MED12L: variants seen among roughly 807,000 people sequenced by gnomAD.
The protein encoded by MED12L is mediator of RNA polymerase II transcription subunit 12-like protein.
A neutral mutation model predicts 281.3 loss-of-function variants in MED12L; 60 were observed. The ratio of observed to expected loss-of-function variants is 0.21; its 90% CI spans 0.17 to 0.26. The LOEUF is 0.26. Ranked by LOEUF, MED12L falls within the 10% of genes least tolerant of loss-of-function variation. The pLI, the probability that MED12L is intolerant of heterozygous loss-of-function variation, is 1.00. For missense variants in MED12L, 2,146 were observed against 2,680.9 expected (o/e 0.80, Z 4.41); for synonymous variants, 974 against 987.2 (o/e 0.99, Z 0.25).
At chr3:151,087,131 C>A in intron 2 of MED12L, 106 bp downstream of exon 2, 1 of 898,100 alleles carries the variant, frequency 1.1e-6, no homozygotes, top group South Asian at 1.8e-5. Flanking sequence ...TGGAAGAGGT[C>A]GGGGAGGGGG....
At position 151,369,412 on chromosome 3, in the gene MED12L, A is replaced by G. The variant is rs998301767; in HGVS notation, c.3551-24A>G. 2.0e-5 allele frequency: 30 copies of G among 1,481,470 alleles called. 1 individual carries two copies. The highest frequency in any genetic ancestry group is 3.5e-4 in the Middle Eastern group (2 of 5,724). The allele number at this position is 1,481,470 out of a possible 1,614,324, so 91.8% of individuals were successfully genotyped here. On this transcript the variant is annotated intron_variant, in intron 25 of 44. Coordinates refer to ENST00000687756, the MANE Select transcript of MED12L (RefSeq NM_001393769.1). ...CATTACTAATGATGGTAATGAGACT[A>G]TTAAAGATTTGTTGTTTTTGTAGGC...
intron 16 of MED12L, chr3:151,338,770 C>G: frequency 6.2e-7 from 1 of 1,613,604 alleles, no homozygotes; most frequent in Non-Finnish European, 8.5e-7. Flanking sequence ...GGGAAGAGGA[C>G]CTGGGTGATT....
intron 4 of MED12L, among the ~76,000 whole-genome samples, chr3:151,123,270 T>C (rs540816043): frequency 1.3e-5 from 2 of 152,284 alleles, no homozygotes; most frequent in South Asian, 2.1e-4. Context: ...TAAAAAAAAA[T>C]TACATTTCCA....
chr3:151,216,697 G>A (rs576106723), intron 16 of MED12L, among the ~76,000 whole-genome samples: 1 of 152,216 alleles, frequency 6.6e-6, no homozygotes, highest in South Asian at 2.1e-4. Flanking sequence ...GCTTGGCTCT[G>A]GGCATGATGG....
At chr3:151,260,479 A>G (rs1478179995) in intron 16 of MED12L, among the ~76,000 whole-genome samples, 1 of 152,132 alleles carries the variant, frequency 6.6e-6, no homozygotes, top group Non-Finnish European at 1.5e-5. Flanking sequence ...CCTCCCAAGT[A>G]GCTGGGACTG....
chr3:151,109,099 C>T (rs1209611936), intron 2 of MED12L, among the ~76,000 whole-genome samples: 1 of 151,826 alleles, frequency 6.6e-6, no homozygotes, highest in African/African-American at 2.4e-5. Flanking sequence ...GCTCTGTCGC[C>T]CAGGCTGGAG....
intron 5 of MED12L, among the ~76,000 whole-genome samples, chr3:151,153,432 A>G (rs1014326061): frequency 6.6e-6 from 1 of 152,114 alleles, no homozygotes; most frequent in Non-Finnish European, 1.5e-5. Flanking sequence ...TATCATCTGC[A>G]TTGCCTGAAT....
chr3:151,299,979 G>T, intron 16 of MED12L: 1 of 890,392 alleles, frequency 1.1e-6, no homozygotes, highest in Non-Finnish European at 1.9e-6. Flanking sequence ...TTGGTTCTCT[G>T]ACCATTAAAC....
chr3:151,328,535 A>G (rs780854560), intron 16 of MED12L: 22 of 1,613,812 alleles, frequency 1.4e-5, no homozygotes, highest in Non-Finnish European at 1.8e-5. Flanking sequence ...TGGCAGGGAG[A>G]TGAAGAACAA....
intron 16 of MED12L, among the ~76,000 whole-genome samples, chr3:151,223,991 T>A (rs571081092): frequency 5.3e-5 from 8 of 152,368 alleles, no homozygotes; most frequent in Admixed American, 3.3e-4. Flanking sequence ...CTGTGATATT[T>A]TATTTCTTAA....
rs12635196 is a variant in MED12L at position 151,433,180 on chromosome 3, T to G, written c.*376T>G. On this transcript the variant is annotated 3_prime_UTR_variant, in exon 45 of 45. Coordinates refer to ENST00000687756, the MANE Select transcript of MED12L (RefSeq NM_001393769.1). ...TTCATTCATTAATGATGACGTTGTT[T>G]TTTTTTTTTTAATTTTATTTTCCAA... The G allele has an allele frequency of 0.76, 112,696 of 148,070 alleles. 40,906 individuals are homozygous for G. The highest frequency in any genetic ancestry group is 0.89 in the Middle Eastern group (281 of 314). The allele number at this position is 148,070 out of a possible 1,614,324, so 9.2% of individuals were successfully genotyped here. A position where few individuals can be genotyped will look rare whatever the true frequency, so the allele number is the denominator to read the frequency against.
intron 16 of MED12L, among the ~76,000 whole-genome samples, chr3:151,296,848 G>GT (rs1212900645): frequency 1.9e-4 from 29 of 152,160 alleles, no homozygotes; most frequent in Admixed American, 9.8e-4. Context: ...TTTTGGAATG[G>GT]TTTTGTTATA....
intron 5 of MED12L, among the ~76,000 whole-genome samples, chr3:151,154,821 G>A (rs1719051102): frequency 6.6e-6 from 1 of 152,212 alleles, no homozygotes; most frequent in Non-Finnish European, 1.5e-5. Context: ...GACATAGATA[G>A]TTTACTGTTT....
At chr3:151,319,468 C>CGCGTGT (rs1553777795) in intron 16 of MED12L, among the ~76,000 whole-genome samples, 7 of 145,552 alleles carry the variant, frequency 4.8e-5, no homozygotes, top group African/African-American at 1.8e-4. Context: ...TGTGTGTGTG[C>CGCGTGT]GTGTGTGTGT....
chr3:151,223,710 A>G (rs941702845), intron 16 of MED12L, among the ~76,000 whole-genome samples: 3 of 152,220 alleles, frequency 2.0e-5, no homozygotes, highest in African/African-American at 7.2e-5. Flanking sequence ...GAAGCGGGGA[A>G]ATGGTGGAAA....
chr3:151,172,275 A>G (rs1576885680), intron 11 of MED12L, among the ~76,000 whole-genome samples: 2 of 152,310 alleles, frequency 1.3e-5, no homozygotes, highest in East Asian at 3.9e-4. Context: ...CTATTTCCTG[A>G]CGATGTGAAA....
chr3:151,413,114 A>G, intron 41 of MED12L, 25 bp from the exon 42 acceptor site: 1 of 1,601,370 alleles, frequency 6.2e-7, no homozygotes, highest in African/African-American at 1.3e-5. Context: ...TTGGGCCTGA[A>G]CCAAGTTGCA....
At chr3:151,427,115 G>C (rs1033119712) in intron 43 of MED12L, among the ~76,000 whole-genome samples, 2 of 152,066 alleles carry the variant, frequency 1.3e-5, no homozygotes, top group Non-Finnish European at 2.9e-5. Context: ...CACTGTGCCT[G>C]GCCTGGTTTA....
At chr3:151,119,620 T>C (rs1234042810) in intron 3 of MED12L, among the ~76,000 whole-genome samples, 2 of 152,210 alleles carry the variant, frequency 1.3e-5, no homozygotes, top group African/African-American at 2.4e-5. Flanking sequence ...GAGGATGCAA[T>C]TTAGTCTCAT....
Sources: gnomAD v4.1 joint callset for allele counts (sites outside exome capture counted in the v4.1 genomes callset) on GRCh38, gnomAD v4.1.1 for gene constraint, MANE v1.5 for transcripts, NCBI Gene and HGNC (gene_info 2026-07-23, HGNC 2026-07-21) for gene names.